The following AADAC variants were observed in gnomAD, a reference collection of about 807,000 sequenced individuals.
AADAC encodes the protein arylacetamide deacetylase (esterase).
Under a neutral mutation model 22.7 loss-of-function variants are expected in AADAC, and 17 were observed. That is an observed-to-expected ratio of 0.75 (90% CI 0.51 to 1.12). The LOEUF is 1.12. AADAC is among the 50% of genes most tolerant of loss of function. The pLI, the probability that AADAC is intolerant of heterozygous loss-of-function variation, is 0.00. For synonymous variants in AADAC, 167 were observed against 176.3 expected, an observed-to-expected ratio of 0.95 and a Z score of 0.42; for missense variants, 465 against 473.9, an observed-to-expected ratio of 0.98 and a Z score of 0.17.
In AADAC at chr3:151,820,414, G is replaced by C. The variant is rs142051669; in HGVS notation, c.393G>C (p.Trp131Cys). Residue 131 changes from tryptophan to cysteine, a missense_variant, in exon 3 of 5, where the codon TGG (tryptophan) becomes TGC (cysteine). Trp to Cys is a radical substitution (Grantham distance 215). Coordinates refer to ENST00000232892, the MANE Select transcript of AADAC (RefSeq NM_001086.3). The part of the protein sequence containing the change: ...ALSGYDLLSR[W>C]TADRLDAVVV... Reference sequence around the variant, plus strand: ...GTGGTTATGACTTGCTGTCAAGATGGACAGCAGACAGACTTGATGCTGTCG... The same window carrying C: ...GTGGTTATGACTTGCTGTCAAGATGCACAGCAGACAGACTTGATGCTGTCG... The C allele has an allele frequency of 1.0e-5, 16 of 1,588,776 alleles. No individual in the cohort carries two copies. In the East Asian group the frequency reaches 1.4e-4, roughly 14 times the overall value.
intron 2 of AADAC, among the ~76,000 whole-genome samples, chr3:151,818,699 G>A (rs1293956577): frequency 6.6e-6 from 1 of 152,120 alleles, no homozygotes. Flanking sequence ...AACTCACTGT[G>A]TATCAAGAAA....
At chr3:151,818,402 C>A (rs1716093178) in intron 2 of AADAC, among the ~76,000 whole-genome samples, 1 of 151,924 alleles carries the variant, frequency 6.6e-6, no homozygotes, top group Admixed American at 6.6e-5. Flanking sequence ...AAACCTTAGA[C>A]AAATTAAATT....
intron 4 of AADAC, 21 bp downstream of exon 4, chr3:151,824,855 C>T (rs753642809): frequency 6.6e-7 from 1 of 1,504,096 alleles, no homozygotes; most frequent in Non-Finnish European, 8.9e-7. Context: ...AATTTCTATG[C>T]TTTTTAAAAA....
intron 1 of AADAC, among the ~76,000 whole-genome samples, chr3:151,815,448 A>G (rs998629866): frequency 5.9e-5 from 9 of 152,080 alleles, no homozygotes; most frequent in African/African-American, 2.2e-4. Context: ...CATATCATAC[A>G]GTGCTTTGTG....
At chr3:151,818,570 T>C (rs1716100093) in intron 2 of AADAC, among the ~76,000 whole-genome samples, 2 of 151,938 alleles carry the variant, frequency 1.3e-5, no homozygotes, top group South Asian at 2.1e-4. Context: ...GGCACAGAAA[T>C]AGGCGGATTG....
rs1276167799 is a variant in AADAC at position 151,825,104 on chromosome 3, G to A, written c.603+270G>A. On this transcript the variant is annotated intron_variant, in intron 4 of 4. Transcript: ENST00000232892. ...TTAAAATTATAGCCTGCATGTGGTA[G>A]CTCAGCACTGCAATCCCAGCGCTCT... is the stretch of plus-strand genomic sequence containing the variant. 2.0e-5 allele frequency among the ~76,000 whole-genome samples: 3 copies of A among 151,262 alleles called. 1 individual carries two copies. The highest frequency in any genetic ancestry group is 4.4e-5 in the Non-Finnish European group (3 of 67,842).
chr3:151,817,198 T>C (rs1022430179), intron 1 of AADAC, among the ~76,000 whole-genome samples, 168 bp from the exon 2 acceptor site: 3 of 152,062 alleles, frequency 2.0e-5, no homozygotes, highest in Non-Finnish European at 2.9e-5. Context: ...ACCCTAGGCA[T>C]AACCTTTGCA....
intron 3 of AADAC, among the ~76,000 whole-genome samples, chr3:151,820,867 T>C (rs546155106): frequency 2.0e-4 from 30 of 150,086 alleles, no homozygotes; most frequent in Non-Finnish European, 4.2e-4. Context: ...AAAATAAATG[T>C]TTCTCAGATG....
Position 151,817,556 on chromosome 3 carries a change from T to C in AADAC, c.329T>C (p.Ile110Thr). ...SEALRRGLFY[I>T]HGGGWCVGSA... is the part of the protein sequence containing the mutation. ...GCACTAAGAAGGGGGTTGTTTTACATCCATGGTGGAGGCTGGTGCGTGGGA... is the reference window on the plus strand; with the variant it reads ...GCACTAAGAAGGGGGTTGTTTTACACCCATGGTGGAGGCTGGTGCGTGGGA... The change falls in exon 2 of 5, where the codon ATC becomes ACC. Residue 110 changes from isoleucine to threonine, a missense_variant. Coordinates refer to ENST00000232892, the MANE Select transcript of AADAC (RefSeq NM_001086.3). 1 of 1,613,730 alleles carries C rather than the reference T, an allele frequency of 6.2e-7. No individual in the cohort carries two copies. Among genetic ancestry groups the C allele is most frequent in the South Asian group, 1.1e-5 (1 of 91,080 alleles).
At chr3:151,815,751 A>G (rs1218996178) in intron 1 of AADAC, among the ~76,000 whole-genome samples, 3 of 151,896 alleles carry the variant, frequency 2.0e-5, no homozygotes, top group Non-Finnish European at 4.4e-5. Flanking sequence ...ACCTTTTAAA[A>G]GTTGTTTTAA....
intron 2 of AADAC, among the ~76,000 whole-genome samples, chr3:151,818,876 G>GA (rs770191317): frequency 1.3e-5 from 2 of 152,032 alleles, no homozygotes; most frequent in Non-Finnish European, 2.9e-5. Flanking sequence ...AATTATGTGA[G>GA]AAAATCACCT....
intron 1 of AADAC, among the ~76,000 whole-genome samples, chr3:151,816,411 T>C (rs988616591): frequency 9.2e-5 from 14 of 152,112 alleles, no homozygotes; most frequent in African/African-American, 3.1e-4. Context: ...CTTTTTGTAA[T>C]CACCTGCTGT....
chr3:151,822,643 G>C lies in AADAC; in HGVS notation c.432-2020G>C, dbSNP rs542626801. Among the ~76,000 whole-genome samples, 169 of 152,098 alleles carry C rather than the reference G, an allele frequency of 1.1e-3. 1 individual carries two copies. Among genetic ancestry groups the C allele is most frequent in the African/African-American group, 3.8e-3 (159 of 41,542 alleles). On this transcript the variant is annotated intron_variant, in intron 3 of 4. Transcript: ENST00000232892. ...GAAACAAGCCAGTCATAAATGGAAA[G>C]TTTTGTGATTCCATTTATATAAAAT...
chr3:151,817,423 G>A lies in AADAC; in HGVS notation c.196G>A (p.Gly66Arg), dbSNP rs572962205. 25 of 1,613,650 alleles carry A rather than the reference G, an allele frequency of 1.5e-5. No individual in the cohort carries two copies. The East Asian group carries it at 2.2e-4, about 14-fold the overall frequency. The change falls in exon 2 of 5, where the codon GGG (glycine) becomes AGG (arginine). Residue 66 changes from glycine (G) to arginine (R), a missense_variant. By Grantham distance (125) the Gly-to-Arg change is moderately radical. Transcript: ENST00000232892. ...TTTTATGGATTCCTTTAAGGTTGTCGGGAGCTTTGATGAAGTCCCACCAAC... is the reference window on the plus strand; with the variant it reads ...TTTTATGGATTCCTTTAAGGTTGTCAGGAGCTTTGATGAAGTCCCACCAAC... ...HHFMDSFKVV[G>R]SFDEVPPTSD...
At chr3:151,820,532 T>G in intron 3 of AADAC, 80 bp downstream of exon 3, 4 of 1,095,344 alleles carry the variant, frequency 3.7e-6, no homozygotes, top group Admixed American at 3.0e-5. Context: ...TTTTTTTTTT[T>G]TTTGTGATGG....
At chr3:151,820,531 T>TTTTTTTTTA in intron 3 of AADAC, 79 bp downstream of exon 3, 1 of 1,119,592 alleles carries the variant, frequency 8.9e-7, no homozygotes. Context: ...TTTTTTTTTT[T>TTTTTTTTTA]TTTTGTGATG....
intron 1 of AADAC, among the ~76,000 whole-genome samples, chr3:151,815,539 T>C (rs1354416521): frequency 1.3e-5 from 2 of 151,970 alleles, no homozygotes; most frequent in East Asian, 1.9e-4. Flanking sequence ...CACATTTTTT[T>C]CCCTCATATT....
At chr3:151,823,276 T>C (rs1969347) in intron 3 of AADAC, among the ~76,000 whole-genome samples, 14,680 of 109,214 alleles carry the variant, frequency 0.13, 877 homozygotes, top group Non-Finnish European at 0.16. Flanking sequence ...AGACTCTGTC[T>C]CCCCGCAAAA....
intron 4 of AADAC, 69 bp downstream of exon 4, chr3:151,824,903 C>T: frequency 2.5e-6 from 3 of 1,223,094 alleles, no homozygotes; most frequent in Non-Finnish European, 3.2e-6. Flanking sequence ...TATTTATAAA[C>T]ATATTGAATG....
Sources: gnomAD v4.1 joint callset for allele counts (sites outside exome capture counted in the v4.1 genomes callset) on GRCh38, gnomAD v4.1.1 for gene constraint, MANE v1.5 for transcripts, NCBI Gene and HGNC (gene_info 2026-07-23, HGNC 2026-07-21) for gene names.